Variants in VLDLR observed in about 807,000 individuals in gnomAD.
VLDLR encodes very low-density lipoprotein receptor.
Under a neutral mutation model 112.7 loss-of-function variants are expected in VLDLR, and 81 were observed. That is an observed-to-expected ratio of 0.72 (90% CI 0.60 to 0.86). The LOEUF (loss-of-function observed/expected upper bound fraction) is 0.86, where lower values mean the gene tolerates loss of function less well. Ranked by LOEUF, VLDLR falls within the 40% of genes least tolerant of loss-of-function variation. The probability of loss-of-function intolerance (pLI) is 0.00; values close to 1 mark genes in which losing one functional copy is unlikely to be tolerated. For missense variants in VLDLR, 1,237 were observed against 1,099.4 expected, an observed-to-expected ratio of 1.13 and a Z score of -1.77; for synonymous variants, 436 against 384.8, an observed-to-expected ratio of 1.13 and a Z score of -1.56.
Position 2,652,737 on chromosome 9 carries a change from A to T in VLDLR, c.2417-43A>T. ...GTTATTACCTTTCTTGTATGTTCCA[A>T]TACTAGACTTAGCTCACTTAGCTAC... On this transcript the variant is annotated intron_variant, in intron 17 of 18. Transcript: ENST00000382100. The T allele has an allele frequency of 1.9e-6, 3 of 1,613,270 alleles. No homozygotes were observed. The South Asian group carries it at 3.3e-5, about 18-fold the overall frequency.
At chr9:2,649,205 A>T (rs1412676054) in intron 14 of VLDLR, among the ~76,000 whole-genome samples, 1 of 152,032 alleles carries the variant, frequency 6.6e-6, no homozygotes, top group African/African-American at 2.4e-5. Flanking sequence ...ACAGAAATTT[A>T]TTGTCTCAAA....
intron 2 of VLDLR, among the ~76,000 whole-genome samples, chr9:2,637,825 C>T (rs1037953692): frequency 6.6e-6 from 1 of 152,102 alleles, no homozygotes; most frequent in Non-Finnish European, 1.5e-5. Context: ...TGCCTGTAGT[C>T]CCAGCTACTC....
At chr9:2,624,933 G>A (rs891922228) in intron 1 of VLDLR, among the ~76,000 whole-genome samples, 13 of 152,138 alleles carry the variant, frequency 8.5e-5, no homozygotes, top group Non-Finnish European at 1.5e-5. Context: ...TTTACCTATA[G>A]TGCCTGTCCT....
Position 2,644,792 on chromosome 9 carries a change from T to A in VLDLR, c.1125T>A (p.Val375=). The stretch of plus-strand genomic sequence containing the variant: ...GTTCTCATATCTGCAAAGACCTAGT[T>A]ATAGGCTACGAGTGTGACTGTGCAG... ...GGCSHICKDL[V]IGYECDCAAG... is the part of the protein sequence containing the mutation. The change falls in exon 8 of 19, where the codon GTT becomes GTA. Residue 375 remains valine (V), a synonymous_variant. Transcript: ENST00000382100. 1 of 1,614,184 alleles carries A rather than the reference T, an allele frequency of 6.2e-7. No homozygotes were observed. The highest frequency in any genetic ancestry group is 8.5e-7 in the Non-Finnish European group (1 of 1,180,030).
intron 1 of VLDLR, among the ~76,000 whole-genome samples, chr9:2,623,506 A>G (rs973782468): frequency 6.6e-6 from 1 of 152,202 alleles, no homozygotes; most frequent in Non-Finnish European, 1.5e-5. Flanking sequence ...CTGAAGTGAG[A>G]GCGAACTTTA....
chr9:2,651,753 C>T, intron 16 of VLDLR, 121 bp from the exon 17 acceptor site: 2 of 1,120,442 alleles, frequency 1.8e-6, no homozygotes, highest in Non-Finnish European at 1.3e-6. Context: ...TCCTGGTGTT[C>T]AATTGTTGTA....
chr9:2,633,919 T>C (rs766441084), intron 1 of VLDLR, among the ~76,000 whole-genome samples: 1 of 152,176 alleles, frequency 6.6e-6, no homozygotes, highest in South Asian at 2.1e-4. Flanking sequence ...CAGGTGATGC[T>C]TCCTGACAAC....
intron 1 of VLDLR, among the ~76,000 whole-genome samples, chr9:2,630,918 A>T (rs1817321248): frequency 6.6e-6 from 1 of 152,242 alleles, no homozygotes; most frequent in Non-Finnish European, 1.5e-5. Context: ...AATATTTGCA[A>T]ACTATTATCT....
intron 1 of VLDLR, among the ~76,000 whole-genome samples, chr9:2,627,777 A>T (rs910464788): frequency 1.3e-5 from 2 of 151,706 alleles, no homozygotes; most frequent in African/African-American, 4.8e-5. Flanking sequence ...AGGCAGGAGA[A>T]TCGCTTGAAC....
chr9:2,633,047 A>AGTGTGTGTGTGTGTGTGTGTGTGTGT (rs780332222), intron 1 of VLDLR, among the ~76,000 whole-genome samples: 2 of 95,414 alleles, frequency 2.1e-5, no homozygotes, highest in African/African-American at 7.7e-5. Context: ...AGAGAGAGAG[A>AGTGTGTGTGTGTGTGTGTGTGTGTGT]GAGAGTGTGT....
intron 1 of VLDLR, among the ~76,000 whole-genome samples, chr9:2,629,892 G>T (rs1817261539): frequency 1.3e-5 from 2 of 152,192 alleles, no homozygotes; most frequent in African/African-American, 2.4e-5. Context: ...TACCTCCCAG[G>T]TTCAAACAAT....
At chr9:2,651,293 T>C in intron 15 of VLDLR, 122 bp from the exon 16 acceptor site, 1 of 764,344 alleles carries the variant, frequency 1.3e-6, no homozygotes, top group Non-Finnish European at 2.3e-6. Flanking sequence ...ACAACTTAGT[T>C]CAGCAGTGGT....
At position 2,653,858 on chromosome 9, in the gene VLDLR, A is replaced by C. The variant is rs1818471913; in HGVS notation, c.2612A>C (p.Asp871Ala). The change falls in exon 19 of 19, where the codon GAT (aspartate) becomes GCT (alanine). Residue 871 changes from aspartate (D) to alanine (A), a missense_variant. Physicochemically the swap from Asp to Ala is moderately radical, Grantham distance 126. Transcript: ENST00000382100. The part of the protein sequence containing the change: ...PAISVVSTDD[D>A]LA Reference sequence around the variant, plus strand: ...ATATCAGTTGTAAGCACAGATGATGATCTAGCTTGACTTCTGTGACAAATG... The same window carrying C: ...ATATCAGTTGTAAGCACAGATGATGCTCTAGCTTGACTTCTGTGACAAATG... The C allele has an allele frequency of 1.2e-6, 2 of 1,613,800 alleles. No individual in the cohort carries two copies. The highest frequency in any genetic ancestry group is 2.2e-5 in the East Asian group (1 of 44,896).
chr9:2,628,076 A>G (rs1817174065), intron 1 of VLDLR, among the ~76,000 whole-genome samples: 1 of 152,180 alleles, frequency 6.6e-6, no homozygotes, highest in African/African-American at 2.4e-5. Flanking sequence ...CTAATAAATC[A>G]ACTCATGCAC....
At position 2,659,017 on chromosome 9, in the gene VLDLR, G is replaced by C. The variant is rs1475329251; in HGVS notation, c.*5149G>C. 1 of 152,088 alleles carries C rather than the reference G, an allele frequency of 6.6e-6. No individual in the cohort carries two copies. Among genetic ancestry groups the C allele is most frequent in the Non-Finnish European group, 1.5e-5 (1 of 68,002 alleles). 9.4% of individuals were successfully genotyped at this position (152,088 alleles called of 1,614,324 possible). A position where few individuals can be genotyped will look rare whatever the true frequency, so the allele number is the denominator to read the frequency against. ...CCTCAGTTCTTTTGACTACCTCCTAGGACATGGAAACAAATATTTGGGAGC... is the reference window on the plus strand; with the variant it reads ...CCTCAGTTCTTTTGACTACCTCCTACGACATGGAAACAAATATTTGGGAGC... On this transcript the variant is annotated 3_prime_UTR_variant, in exon 19 of 19. Coordinates refer to ENST00000382100, the MANE Select transcript of VLDLR (RefSeq NM_003383.5).
At chr9:2,638,789 A>G (rs774918315) in intron 2 of VLDLR, among the ~76,000 whole-genome samples, 1 of 152,206 alleles carries the variant, frequency 6.6e-6, no homozygotes, top group Non-Finnish European at 1.5e-5. Context: ...CAACAGAATC[A>G]ATTCCTCTCC....
chr9:2,622,441 G>A (rs1261103249), intron 1 of VLDLR, 170 bp downstream of exon 1: 4 of 566,008 alleles, frequency 7.1e-6, no homozygotes, highest in Admixed American at 4.4e-5. Context: ...TCAGCGCCGA[G>A]GCTAAAGGGA....
chr9:2,636,122 C>T (rs1469535628), intron 2 of VLDLR, among the ~76,000 whole-genome samples: 2 of 152,142 alleles, frequency 1.3e-5, no homozygotes, highest in Admixed American at 1.3e-4. Context: ...AATGGGGATA[C>T]AGTGTCACAG....
intron 1 of VLDLR, among the ~76,000 whole-genome samples, chr9:2,633,047 A>AGTGTGTGTGTGTGTGTGTGT (rs780332222): frequency 1.0e-5 from 1 of 95,414 alleles, no homozygotes; most frequent in African/African-American, 3.8e-5. Flanking sequence ...AGAGAGAGAG[A>AGTGTGTGTGTGTGTGTGTGT]GAGAGTGTGT....
Sources: allele counts gnomAD v4.1 joint callset (sites outside exome capture counted in the v4.1 genomes callset), GRCh38; gene constraint gnomAD v4.1.1; transcripts MANE v1.5; gene names NCBI Gene and HGNC (gene_info 2026-07-23, HGNC 2026-07-21).